Variants in ADAM32 observed in about 807,000 individuals in gnomAD.
ADAM32 encodes ADAM metallopeptidase domain 32.
A neutral mutation model predicts 114.9 loss-of-function variants in ADAM32; 89 were observed. That is an observed-to-expected ratio of 0.77 (90% CI 0.65 to 0.92). ADAM32 has a LOEUF of 0.92. ADAM32 is among the 40% of genes least tolerant of loss of function. The pLI is 0.00. For synonymous variants in ADAM32, 285 were observed against 307.5 expected, an observed-to-expected ratio of 0.93 and a Z score of 0.77; for missense variants, 870 against 932.8, an observed-to-expected ratio of 0.93 and a Z score of 0.88.
chr8:39,162,280 G>C (rs563038494), intron 7 of ADAM32, among the ~76,000 whole-genome samples: 5 of 150,672 alleles, frequency 3.3e-5, no homozygotes, highest in African/African-American at 1.2e-4. Context: ...TTGTCCTTGC[G>C]ATAGTTTGCT....
intron 7 of ADAM32, among the ~76,000 whole-genome samples, chr8:39,162,334 A>G (rs1804566506): frequency 6.6e-6 from 1 of 152,092 alleles, no homozygotes; most frequent in Non-Finnish European, 1.5e-5. Context: ...TACAAAGGAC[A>G]TGAACTCATC....
chr8:39,143,612 G>A (rs1182474512), intron 3 of ADAM32, among the ~76,000 whole-genome samples: 1 of 152,050 alleles, frequency 6.6e-6, no homozygotes, highest in East Asian at 1.9e-4. Context: ...CTGCTTGTTT[G>A]AGGTGTCTGT....
chr8:39,256,097 A>G (rs941402201), intron 18 of ADAM32, among the ~76,000 whole-genome samples: 1 of 151,784 alleles, frequency 6.6e-6, no homozygotes, highest in Non-Finnish European at 1.5e-5. Flanking sequence ...GTCTATTTTT[A>G]TATCAGTACC....
chr8:39,129,247 G>A (rs961014484), intron 2 of ADAM32, among the ~76,000 whole-genome samples: 2 of 150,454 alleles, frequency 1.3e-5, no homozygotes, highest in Admixed American at 1.3e-4. Flanking sequence ...TTAGTTTGTT[G>A]AATGGAAATG....
chr8:39,275,754 G>A (rs1053023532), intron 21 of ADAM32, 74 bp from the exon 22 acceptor site: 25 of 1,372,696 alleles, frequency 1.8e-5, no homozygotes, highest in South Asian at 7.3e-5. Context: ...AAAATGATCC[G>A]ACATTCATTC....
At chr8:39,143,533 G>T (rs1803307711) in intron 3 of ADAM32, among the ~76,000 whole-genome samples, 1 of 152,172 alleles carries the variant, frequency 6.6e-6, no homozygotes, top group Non-Finnish European at 1.5e-5. Flanking sequence ...GGTATCACCA[G>T]TGGAGGCTGC....
At chr8:39,134,268 G>C (rs898477049) in intron 2 of ADAM32, among the ~76,000 whole-genome samples, 1 of 151,992 alleles carries the variant, frequency 6.6e-6, no homozygotes, top group African/African-American at 2.4e-5. Flanking sequence ...GGGTGAGTGG[G>C]ACTCAGTGTG....
intron 2 of ADAM32, among the ~76,000 whole-genome samples, chr8:39,129,607 G>A (rs1490178534): frequency 1.3e-5 from 2 of 152,020 alleles, no homozygotes; most frequent in Non-Finnish European, 2.9e-5. Context: ...TTTCAAGAGG[G>A]CTATTGGTCT....
intron 10 of ADAM32, among the ~76,000 whole-genome samples, chr8:39,185,372 C>CAAAA (rs1304365686): frequency 2.7e-5 from 4 of 150,104 alleles, no homozygotes; most frequent in African/African-American, 7.4e-5. Flanking sequence ...AACAAACAAA[C>CAAAA]AAAAAAACAG....
At chr8:39,124,825 T>C (rs1274728488) in intron 2 of ADAM32, among the ~76,000 whole-genome samples, 1 of 152,236 alleles carries the variant, frequency 6.6e-6, no homozygotes, top group African/African-American at 2.4e-5. Flanking sequence ...TATGTATCTT[T>C]ACAATGGAAT....
rs141999726 is a variant in ADAM32, at chr8:39,120,925, G to A, written c.138+2760G>A. Among the ~76,000 whole-genome samples, 300 of 152,158 alleles carry A rather than the reference G, an allele frequency of 2.0e-3. 1 individual carries two copies. The highest frequency in any genetic ancestry group is 6.5e-3 in the African/African-American group (268 of 41,524). ...GGTAGAAATTGTGGGGGAAAACCTT[G>A]GGTATTTAGCTGGGGAGATTTCTAA... On this transcript the variant is annotated intron_variant, in intron 2 of 24. Transcript: ENST00000379907.
intron 10 of ADAM32, among the ~76,000 whole-genome samples, chr8:39,181,574 T>A (rs1418734653): frequency 6.6e-6 from 1 of 152,236 alleles, no homozygotes; most frequent in Non-Finnish European, 1.5e-5. Context: ...TATAGAATCT[T>A]TGTCCTAACA....
chr8:39,254,795 A>C (rs1811537269), intron 18 of ADAM32, among the ~76,000 whole-genome samples: 1 of 151,736 alleles, frequency 6.6e-6, no homozygotes, highest in South Asian at 2.1e-4. Flanking sequence ...GATTTCTGAG[A>C]TTTTGGTGCA....
chr8:39,249,027 C>T lies in ADAM32; in HGVS notation c.1902+2861C>T, dbSNP rs1040969773. On this transcript the variant is annotated intron_variant, in intron 17 of 24. Transcript: ENST00000379907. ...ACGCCATTCTCCTGCTTCAGCCTCC[C>T]GAGTAGGTGGGACTACAGGGGTCCT... Among the ~76,000 whole-genome samples, 8 of 151,758 alleles carry T rather than the reference C, an allele frequency of 5.3e-5. 1 individual carries two copies. The South Asian group carries it at 1.5e-3, about 28-fold the overall frequency.
chr8:39,209,711 C>T (rs559354566), intron 11 of ADAM32, among the ~76,000 whole-genome samples: 11 of 152,292 alleles, frequency 7.2e-5, no homozygotes, highest in East Asian at 3.9e-4. Flanking sequence ...AGCTCAATTA[C>T]GCTGTGGCTC....
intron 17 of ADAM32, among the ~76,000 whole-genome samples, chr8:39,248,954 G>A (rs1028057534): frequency 6.7e-6 from 1 of 150,010 alleles, no homozygotes; most frequent in African/African-American, 2.5e-5. Context: ...CCAGGCTGGA[G>A]TGCAGTGGCA....
chr8:39,245,599 C>T (rs1168204870), intron 16 of ADAM32, among the ~76,000 whole-genome samples: 3 of 152,030 alleles, frequency 2.0e-5, no homozygotes, highest in Non-Finnish European at 2.9e-5. Flanking sequence ...CATGTGAGGA[C>T]ATAGGGAGAA....
At chr8:39,157,696 T>C (rs747271155) in intron 6 of ADAM32, 8 of 900,060 alleles carry the variant, frequency 8.9e-6, no homozygotes, top group African/African-American at 3.3e-5. Flanking sequence ...GCATCAAGAC[T>C]TGTGGAGGAT....
chr8:39,109,110 T>C (rs1432453453), intron 1 of ADAM32, among the ~76,000 whole-genome samples: 2 of 152,206 alleles, frequency 1.3e-5, no homozygotes, highest in Admixed American at 1.3e-4. Flanking sequence ...GTTGTCAAAG[T>C]TTTTGGGTTC....
Sources: gnomAD v4.1 joint callset for allele counts (sites outside exome capture counted in the v4.1 genomes callset) on GRCh38, gnomAD v4.1.1 for gene constraint, MANE v1.5 for transcripts, NCBI Gene and HGNC (gene_info 2026-07-23, HGNC 2026-07-21) for gene names.